Variants in TRIM3 observed in about 807,000 individuals in gnomAD.
TRIM3 encodes tripartite motif containing 3, also known as tripartite motif-containing protein 3.
TRIM3 carries 13 observed loss-of-function variants against 66.6 expected under a neutral mutation model. The observed-to-expected ratio is 0.20, with a 90% confidence interval of 0.13 to 0.31. The LOEUF is 0.31. TRIM3 is among the 10% of genes least tolerant of loss of function. The probability of loss-of-function intolerance (pLI) is 1.00; values close to 1 mark genes in which losing one functional copy is unlikely to be tolerated. For missense variants in TRIM3, 711 were observed against 1,020.4 expected (o/e 0.70, Z 4.13); for synonymous variants, 406 against 411.7 (o/e 0.99, Z 0.17).
intron 1 of TRIM3, 134 bp from the exon 2 acceptor site, chr11:6,465,866 AG>A: frequency 1.4e-6 from 1 of 727,112 alleles, no homozygotes; most frequent in Non-Finnish European, 2.3e-6. Context: ...AGTGACTGGA[AG>A]GATCAGGGTG....
chr11:6,465,523 C>A (rs531357872), intron 2 of TRIM3, 42 bp downstream of exon 2: 1 of 1,611,034 alleles, frequency 6.2e-7, no homozygotes, highest in Non-Finnish European at 8.5e-7. Flanking sequence ...CTCATCCTCC[C>A]CACAGGGTCC....
At position 6,451,526 on chromosome 11, in the gene TRIM3, A is replaced by AC. The variant is rs959026833; in HGVS notation, c.1534-89dup. The AC allele has an allele frequency of 5.1e-4, 712 of 1,392,854 alleles. 1 individual carries two copies. The highest frequency in any genetic ancestry group is 6.2e-4 in the Non-Finnish European group (631 of 1,012,306). 86.3% of individuals were successfully genotyped at this position (1,392,854 alleles called of 1,614,324 possible). A position where few individuals can be genotyped will look rare whatever the true frequency, so the allele number is the denominator to read the frequency against. On this transcript the variant is annotated intron_variant, in intron 7 of 11. Transcript: ENST00000345851. ...AGGGAGTAGGATCCTGAGGGAGGAG[A>AC]CCCCCCCACCACCATTTATTCAGTC...
chr11:6,449,264 C>A lies in TRIM3; in HGVS notation c.2082+42G>T. On this transcript the variant is annotated intron_variant, in intron 11 of 11. Transcript: ENST00000345851. The surrounding 1 kb of genome is among the most constrained non-coding windows in gnomAD (Gnocchi z 5.3). ...TGGGGGAACGGGCATATGGGACACA[C>A]CAGGAAACCGCCCCCTCATGTCATT... 6.2e-7 allele frequency: 1 copy of A among 1,610,268 alleles called. No homozygotes were observed. Among genetic ancestry groups the A allele is most frequent in the East Asian group, 2.2e-5 (1 of 44,782 alleles).
At chr11:6,465,471 T>C in intron 2 of TRIM3, 94 bp downstream of exon 2, 1 of 1,505,156 alleles carries the variant, frequency 6.6e-7, no homozygotes, top group Non-Finnish European at 9.2e-7. Context: ...CTACTACAGG[T>C]TTACACATGC....
rs368527287 is a variant in TRIM3 at position 6,454,901 on chromosome 11, A to C, written c.1533+1171T>G. Reference sequence around the variant, plus strand: ...AACGTATAGGTGTTTAGAAGTAAGGATCTTCAGCGAAAAGTTTTGCTACCC... The same window carrying C: ...AACGTATAGGTGTTTAGAAGTAAGGCTCTTCAGCGAAAAGTTTTGCTACCC... On this transcript the variant is annotated intron_variant, in intron 7 of 11. Coordinates refer to ENST00000345851, the MANE Select transcript of TRIM3 (RefSeq NM_033278.4). Among the ~76,000 whole-genome samples, 37 of 152,292 alleles carry C rather than the reference A, an allele frequency of 2.4e-4. No individual in the cohort carries two copies. In the South Asian group the frequency reaches 4.3e-3, roughly 18 times the overall value.
rs1166530985 is a variant in TRIM3, at chr11:6,456,267, C to T, written c.1429+30G>A. On this transcript the variant is annotated intron_variant, in intron 6 of 11. Transcript: ENST00000345851. The surrounding 1 kb of genome is among the most constrained non-coding windows in gnomAD (Gnocchi z 6.4). Reference sequence around the variant, plus strand: ...TCCCCACCCACTACCTGAGCCTGGCCCATCTGGCTCTGCCCTCGGCTGTCT... The same window carrying T: ...TCCCCACCCACTACCTGAGCCTGGCTCATCTGGCTCTGCCCTCGGCTGTCT... 6.3e-7 allele frequency: 1 copy of T among 1,585,502 alleles called. No individual in the cohort carries two copies. Among genetic ancestry groups the T allele is most frequent in the Non-Finnish European group, 8.6e-7 (1 of 1,162,860 alleles).
intron 1 of TRIM3, among the ~76,000 whole-genome samples, chr11:6,468,037 A>G (rs1157043111): frequency 6.6e-6 from 1 of 152,194 alleles, no homozygotes; most frequent in Non-Finnish European, 1.5e-5. Flanking sequence ...TAATCCCAGC[A>G]CTTCGAGAGG....
rs1564961498 is a variant in TRIM3 at position 6,451,061 on chromosome 11, C to T, written c.1702-1G>A. 6.2e-7 allele frequency: 1 copy of T among 1,614,022 alleles called. No individual in the cohort carries two copies. The highest frequency in any genetic ancestry group is 8.5e-7 in the Non-Finnish European group (1 of 1,179,924). ...TGAGGCGGCCAGCTCCAATCTTGGT[C>T]TGGAGGAAGAGAATATCCATAAGAG... On this transcript the variant is annotated splice_acceptor_variant, in intron 8 of 11. Transcript: ENST00000345851. LOFTEE classifies it high-confidence loss of function.
intron 1 of TRIM3, among the ~76,000 whole-genome samples, chr11:6,470,174 G>C (rs565808549): frequency 2.0e-5 from 3 of 152,188 alleles, no homozygotes; most frequent in Non-Finnish European, 4.4e-5. Context: ...AGTTTAAAGG[G>C]CAAGGACGGA....
At chr11:6,452,596 A>AT (rs2134163541) in intron 7 of TRIM3, 1 of 150,090 alleles carries the variant, frequency 6.7e-6, no homozygotes, top group Admixed American at 6.7e-5. Flanking sequence ...ACTTTCTTCT[A>AT]ATGTGGACCT....
intron 1 of TRIM3, among the ~76,000 whole-genome samples, chr11:6,470,928 G>A (rs1281476227): frequency 1.3e-5 from 2 of 152,232 alleles, no homozygotes; most frequent in African/African-American, 4.8e-5. Context: ...TCATGAACAA[G>A]GGAGTGAAAT....
At chr11:6,461,790 C>G (rs1336073607) in intron 2 of TRIM3, among the ~76,000 whole-genome samples, 1 of 152,166 alleles carries the variant, frequency 6.6e-6, no homozygotes, top group Non-Finnish European at 1.5e-5. Flanking sequence ...TCCACTCTTG[C>G]TCCTTTATAA....
rs374991437 is a variant in TRIM3 at position 6,458,180 on chromosome 11, C to T, written c.248G>A (p.Ser83Asn). The T allele has an allele frequency of 2.4e-5, 39 of 1,614,180 alleles. No individual in the cohort carries two copies. The African/African-American group carries it at 4.9e-4, about 20-fold the overall frequency. ...VSALQNNFFI[S>N]SLMEAMQQAP... ...CTGCTGCATTGCCTCCATGAGGCTG[C>T]TGATGAAGAAGTTGTTCTGCAGTGC... The change falls in exon 3 of 12, where the codon AGC (serine) becomes AAC (asparagine). Residue 83 changes from serine (S) to asparagine (N), a missense_variant. Coordinates refer to ENST00000345851, the MANE Select transcript of TRIM3 (RefSeq NM_033278.4). The surrounding 1 kb of genome is among the most constrained non-coding windows in gnomAD (Gnocchi z 6.2).
intron 1 of TRIM3, among the ~76,000 whole-genome samples, chr11:6,468,854 G>GTGAGTGAA (rs1554958783): frequency 2.0e-5 from 3 of 150,858 alleles, no homozygotes; most frequent in South Asian, 2.1e-4. Flanking sequence ...TCTAAAGACT[G>GTGAGTGAA]TGAATGAATG....
intron 7 of TRIM3, among the ~76,000 whole-genome samples, chr11:6,454,482 CTG>C (rs758997395): frequency 2.0e-5 from 3 of 152,204 alleles, no homozygotes; most frequent in Non-Finnish European, 2.9e-5. Context: ...GTGAGCACAC[CTG>C]TGTGTGTGCA....
intron 2 of TRIM3, among the ~76,000 whole-genome samples, chr11:6,461,859 T>C (rs1259270535): frequency 6.6e-6 from 1 of 152,182 alleles, no homozygotes; most frequent in Non-Finnish European, 1.5e-5. Flanking sequence ...TCCCTGTATA[T>C]ATATATTTTT....
upstream of TRIM3, chr11:6,474,105 C>T (rs1850836568): frequency 6.6e-6 from 1 of 151,354 alleles, no homozygotes; most frequent in Non-Finnish European, 1.5e-5. Flanking sequence ...CCTCCACCTC[C>T]TGCGGACGCT....
In TRIM3 at chr11:6,458,532, C is replaced by A. The variant is rs1385198231; in HGVS notation, c.132-236G>T. ...AAGAGCAGACTATCCACATTCCTCACAGTGTGCACACAGGCTCACCTTTCA... is the reference window on the plus strand; with the variant it reads ...AAGAGCAGACTATCCACATTCCTCAAAGTGTGCACACAGGCTCACCTTTCA... On this transcript the variant is annotated intron_variant, in intron 2 of 11. Coordinates refer to ENST00000345851, the MANE Select transcript of TRIM3 (RefSeq NM_033278.4). This position sits in a 1 kb window ranked among gnomAD's most constrained non-coding sequence, Gnocchi z 6.2. Among the ~76,000 whole-genome samples, 1 of 152,198 alleles carries A rather than the reference C, an allele frequency of 6.6e-6. No homozygotes were observed. Among genetic ancestry groups the A allele is most frequent in the Non-Finnish European group, 1.5e-5 (1 of 68,036 alleles).
chr11:6,450,985 C>T lies in TRIM3; in HGVS notation c.1777G>A (p.Asp593Asn). 3 of 1,614,148 alleles carry T rather than the reference C, an allele frequency of 1.9e-6. No homozygotes were observed. Among genetic ancestry groups the T allele is most frequent in the Non-Finnish European group, 2.5e-6 (3 of 1,180,030 alleles). Residue 593 changes from aspartate to asparagine, a missense_variant, in exon 9 of 12, where the codon GAC becomes AAC. Coordinates refer to ENST00000345851, the MANE Select transcript of TRIM3 (RefSeq NM_033278.4). This position sits in a 1 kb window ranked among gnomAD's most constrained non-coding sequence, Gnocchi z 4.8. Reference protein sequence around the residue: ...VDRNGHIIVVDNKSCCVFTFQ... With the variant: ...VDRNGHIIVVNNKSCCVFTFQ... ...GTAAAGACGCAGCAAGACTTGTTGT[C>T]GACCACAATGATATGTCCATTCCGG...
Sources: allele counts gnomAD v4.1 joint callset (sites outside exome capture counted in the v4.1 genomes callset), GRCh38; gene constraint gnomAD v4.1.1; non-coding constraint Gnocchi (gnomAD v3.1); transcripts MANE v1.5; gene names NCBI Gene and HGNC (gene_info 2026-07-23, HGNC 2026-07-21).